SPINK5: variants seen among roughly 807,000 people sequenced by gnomAD.
SPINK5 encodes serine peptidase inhibitor Kazal type 5.
A neutral mutation model predicts 151.8 loss-of-function variants in SPINK5; 125 were observed. That is an observed-to-expected ratio of 0.82 (90% CI 0.71 to 0.96). SPINK5 has a LOEUF of 0.96. Ranked by LOEUF, SPINK5 falls within the 40% of genes least tolerant of loss-of-function variation. The pLI is 0.00. For missense variants in SPINK5, 1,194 were observed against 1,291.9 expected, an observed-to-expected ratio of 0.92 and a Z score of 1.16; for synonymous variants, 374 against 395.3, an observed-to-expected ratio of 0.95 and a Z score of 0.64.
chr5:148,079,808 G>A (rs1271251237), intron 4 of SPINK5, among the ~76,000 whole-genome samples: 1 of 151,072 alleles, frequency 6.6e-6, no homozygotes, highest in African/African-American at 2.4e-5. Flanking sequence ...ATAATTAATG[G>A]TTAGAGAATG....
chr5:148,095,684 G>C, intron 9 of SPINK5, 134 bp from the exon 10 acceptor site: 1 of 712,628 alleles, frequency 1.4e-6, no homozygotes, highest in Non-Finnish European at 2.5e-6. Context: ...GGGTCTTTTT[G>C]GGGATTTGAG....
chr5:148,125,986 T>C lies in SPINK5; in HGVS notation c.2867+136T>C. On this transcript the variant is annotated intron_variant, in intron 29 of 32. Coordinates refer to ENST00000256084, the MANE Select transcript of SPINK5 (RefSeq NM_006846.4). ...AGTCTTTAGAATTAAAGCCCTCAAA[T>C]TGAGAACACCTGATATAGTAGAAAG... 3 of 1,323,166 alleles carry C rather than the reference T, an allele frequency of 2.3e-6. No homozygotes were observed. In the East Asian group the frequency reaches 6.9e-5, roughly 31 times the overall value. The allele number at this position is 1,323,166 out of a possible 1,614,324, so 82.0% of individuals were successfully genotyped here.
rs1408280487 is a variant in SPINK5, at chr5:148,114,501, A to G, written c.2015+12A>G. The G allele has an allele frequency of 6.2e-7, 1 of 1,612,968 alleles. No homozygotes were observed. The highest frequency in any genetic ancestry group is 8.5e-7 in the Non-Finnish European group (1 of 1,179,296). On this transcript the variant is annotated intron_variant, in intron 21 of 32. Transcript: ENST00000256084. ...TGTAAGGCAGTCTTGTGAGTGCACA[A>G]AGAAAACCACTACTGTGGGATGGTG...
In SPINK5 at chr5:148,127,077, C is replaced by A; in HGVS notation, c.2962C>A (p.Leu988Met). 6.2e-7 allele frequency: 1 copy of A among 1,611,456 alleles called. No individual in the cohort carries two copies. Among genetic ancestry groups the A allele is most frequent in the South Asian group, 1.1e-5 (1 of 90,720 alleles). ...AGACAGCCCAGACTCTTTCAGTTCT[C>A]TGGTAAGGAGGACTATTTCTGAAAA... is the stretch of plus-strand genomic sequence containing the variant. ...EEDSPDSFSS[L>M]DSEMCKDYRV... Residue 988 changes from leucine to methionine, a missense_variant and splice_region_variant, in exon 30 of 33, where the codon CTG becomes ATG. Leu to Met is a conservative substitution (Grantham distance 15, BLOSUM62 2). Transcript: ENST00000256084.
At chr5:148,089,271 T>G (rs1379043665) in intron 6 of SPINK5, 1 of 609,138 alleles carries the variant, frequency 1.6e-6, no homozygotes, top group Non-Finnish European at 3.0e-6. Flanking sequence ...TTCTGGCACA[T>G]AGTAGGTTAT....
chr5:148,076,937 T>C (rs1012514668), intron 4 of SPINK5, among the ~76,000 whole-genome samples: 12 of 150,644 alleles, frequency 8.0e-5, no homozygotes, highest in African/African-American at 2.9e-4. Flanking sequence ...AGACAGACAA[T>C]AGAGAAGAAA....
At position 148,125,422 on chromosome 5, in the gene SPINK5, G is replaced by A; in HGVS notation, c.2740-301G>A. 4.6e-6 allele frequency: 5 copies of A among 1,075,698 alleles called. No homozygotes were observed. In the South Asian group the frequency reaches 6.7e-5, roughly 14 times the overall value. The allele number at this position is 1,075,698 out of a possible 1,614,324, so 66.6% of individuals were successfully genotyped here. A position where few individuals can be genotyped will look rare whatever the true frequency, so the allele number is the denominator to read the frequency against. ...CTGAGCAATTGTCCTTTTGTCAAAAGCATGCTTCATGGGGAAAATGGGGAA... is the reference window on the plus strand; with the variant it reads ...CTGAGCAATTGTCCTTTTGTCAAAAACATGCTTCATGGGGAAAATGGGGAA... On this transcript the variant is annotated intron_variant, in intron 28 of 32. Transcript: ENST00000256084.
intron 4 of SPINK5, among the ~76,000 whole-genome samples, chr5:148,076,052 C>CTG (rs59597252): frequency 0.1 from 15,544 of 151,770 alleles, 1,014 homozygotes; most frequent in East Asian, 0.25. Context: ...AAACTCCTAA[C>CTG]TGACTATAAA....
At position 148,108,759 on chromosome 5, in the gene SPINK5, T is replaced by TGAA. The variant is rs771646677; in HGVS notation, c.1623_1625dup (p.Glu542dup). 3 of 1,610,710 alleles carry TGAA rather than the reference T, an allele frequency of 1.9e-6. No individual in the cohort carries two copies. The highest frequency in any genetic ancestry group is 2.7e-5 in the African/African-American group (2 of 74,654). On this transcript the variant is annotated inframe_insertion, in exon 18 of 33. Transcript: ENST00000256084. ...TCTTCTTTTTCTATTACAGCAAACT[T>TGAA]GAAGAAGAAGAGAAGAAAAATGATA... is the stretch of plus-strand genomic sequence containing the variant.
In SPINK5 at chr5:148,094,431, C is replaced by G. The variant is rs1293286784; in HGVS notation, c.744C>G (p.Gly248=). Residue 248 remains glycine (G), a synonymous_variant, in exon 9 of 33, where the codon GGC becomes GGG. Coordinates refer to ENST00000256084, the MANE Select transcript of SPINK5 (RefSeq NM_006846.4). ...FCTRESDPVR[G]PDGRMHGNKC... is the part of the protein sequence containing the mutation. ...CACGGGAGAGTGATCCAGTCCGTGG[C>G]CCTGACGGCAGGATGCATGGCAACA... 2 of 1,612,794 alleles carry G rather than the reference C, an allele frequency of 1.2e-6. No individual in the cohort carries two copies. Among genetic ancestry groups the G allele is most frequent in the Admixed American group, 3.3e-5 (2 of 59,908 alleles).
chr5:148,123,521 GTATATA>G (rs1159209367), intron 26 of SPINK5, among the ~76,000 whole-genome samples: 14 of 25,016 alleles, frequency 5.6e-4, no homozygotes, highest in South Asian at 3.9e-3. Flanking sequence ...CAATATATGT[GTATATA>G]TATATATATA....
intron 2 of SPINK5, 110 bp downstream of exon 2, chr5:148,065,482 A>G (rs1752556569): frequency 3.4e-6 from 4 of 1,188,574 alleles, no homozygotes; most frequent in Non-Finnish European, 4.9e-6. Context: ...ACTGGTAGGT[A>G]CTAATAGCTT....
chr5:148,135,415 G>T (rs1754673520), intron 32 of SPINK5, among the ~76,000 whole-genome samples: 1 of 152,142 alleles, frequency 6.6e-6, no homozygotes. Flanking sequence ...CTTGCCATAG[G>T]TTTATACTGA....
intron 32 of SPINK5, among the ~76,000 whole-genome samples, chr5:148,134,917 C>G (rs10515602): frequency 0.51 from 77,772 of 151,362 alleles, 22,079 homozygotes; most frequent in Admixed American, 0.63. Flanking sequence ...TCAAGCAATA[C>G]TAGATAAGGC....
intron 4 of SPINK5, among the ~76,000 whole-genome samples, chr5:148,081,408 T>G (rs550591422): frequency 2.0e-5 from 3 of 151,866 alleles, no homozygotes; most frequent in East Asian, 3.9e-4. Context: ...AAGGAATATA[T>G]TTATACAGTG....
In SPINK5 at chr5:148,094,309, C is replaced by A. The variant is rs138704028; in HGVS notation, c.667-45C>A. The A allele has an allele frequency of 5.0e-4, 809 of 1,602,150 alleles. 3 individuals are homozygous for A. The African/African-American group carries it at 9.2e-3, about 18-fold the overall frequency. On this transcript the variant is annotated intron_variant, in intron 8 of 32. Transcript: ENST00000256084. ...AATCCTGTCTCAAAAAATAAAATAT[C>A]CTGAAATGAAATGAAGTAAAATAAA...
chr5:148,124,603 C>T (rs1754379795), intron 27 of SPINK5, among the ~76,000 whole-genome samples, 162 bp from the exon 28 acceptor site: 1 of 151,990 alleles, frequency 6.6e-6, no homozygotes, highest in South Asian at 2.1e-4. Context: ...TTCCAACAAT[C>T]AGAACTGATT....
intron 22 of SPINK5, 85 bp from the exon 23 acceptor site, chr5:148,118,349 ACTT>A: frequency 1.9e-6 from 3 of 1,588,356 alleles, no homozygotes; most frequent in Non-Finnish European, 2.6e-6. Flanking sequence ...AGGTGAAAGA[ACTT>A]CTCTTACTCA....
intron 7 of SPINK5, among the ~76,000 whole-genome samples, chr5:148,089,957 C>T (rs1292483162): frequency 6.6e-6 from 1 of 151,734 alleles, no homozygotes; most frequent in Non-Finnish European, 1.5e-5. Flanking sequence ...CTAGGTCAGT[C>T]GTCTGACATC....
Sources: allele counts gnomAD v4.1 joint callset (sites outside exome capture counted in the v4.1 genomes callset), GRCh38; gene constraint gnomAD v4.1.1; transcripts MANE v1.5; gene names NCBI Gene and HGNC (gene_info 2026-07-23, HGNC 2026-07-21).